The following PRDM6 variants were observed in gnomAD, a reference collection of about 807,000 sequenced individuals.
PRDM6 encodes PR/SET domain 6.
Under a neutral mutation model 60.8 loss-of-function variants are expected in PRDM6, and 25 were observed. The observed-to-expected ratio is 0.41, with a 90% confidence interval of 0.30 to 0.57. The LOEUF (loss-of-function observed/expected upper bound fraction) is 0.57, where lower values mean the gene tolerates loss of function less well. PRDM6 is among the 20% of genes least tolerant of loss of function. The probability of loss-of-function intolerance (pLI) is 0.27; values close to 1 mark genes in which losing one functional copy is unlikely to be tolerated. For missense variants in PRDM6, 839 were observed against 821.3 expected (o/e 1.02, Z -0.26); for synonymous variants, 407 against 357.4 (o/e 1.14, Z -1.57).
At chr5:123,127,733 CTTCTTTCCTTTCTTTCCT>C (rs1397832859) in intron 3 of PRDM6, among the ~76,000 whole-genome samples, 1 of 140,616 alleles carries the variant, frequency 7.1e-6, no homozygotes, top group Admixed American at 7.2e-5. Flanking sequence ...TCTTTCTTTC[CTTCTTTCCTTTCTTTCCT>C]TTCTTTCCTT....
chr5:123,186,286 C>A (rs1766287192), intron 7 of PRDM6, among the ~76,000 whole-genome samples: 1 of 152,146 alleles, frequency 6.6e-6, no homozygotes, highest in South Asian at 2.1e-4. Context: ...AGCCACCAAG[C>A]TAGTAAGTGA....
At chr5:123,156,954 G>C (rs1465278091) in intron 4 of PRDM6, among the ~76,000 whole-genome samples, 1 of 152,036 alleles carries the variant, frequency 6.6e-6, no homozygotes, top group Non-Finnish European at 1.5e-5. Flanking sequence ...GTTCTCTTTA[G>C]AATCAGAAGC....
chr5:123,173,939 T>C (rs1293007689), intron 6 of PRDM6, among the ~76,000 whole-genome samples: 1 of 152,248 alleles, frequency 6.6e-6, no homozygotes, highest in East Asian at 1.9e-4. Flanking sequence ...GGAAAAAATG[T>C]ACAGAACTGT....
At chr5:123,145,085 A>G (rs1191144058) in intron 3 of PRDM6, among the ~76,000 whole-genome samples, 1 of 152,200 alleles carries the variant, frequency 6.6e-6, no homozygotes, top group South Asian at 2.1e-4. Flanking sequence ...CATTGAGGTT[A>G]TATCCTTGCA....
Position 123,188,139 on chromosome 5 carries a change from G to A in PRDM6, c.*938G>A, listed in dbSNP as rs1016934529. The A allele has an allele frequency of 3.9e-5, 6 of 152,018 alleles. No homozygotes were observed. Among genetic ancestry groups the A allele is most frequent in the African/African-American group, 1.4e-4 (6 of 41,390 alleles). The allele number at this position is 152,018 out of a possible 1,614,324, so 9.4% of individuals were successfully genotyped here. On this transcript the variant is annotated 3_prime_UTR_variant, in exon 8 of 8. Transcript: ENST00000407847. ...AACAAAAATAGTGCCAAACCCCATC[G>A]TCAAGGCCCTTTTAGCAATTTTATC...
intron 3 of PRDM6, among the ~76,000 whole-genome samples, chr5:123,107,408 C>A (rs1764219926): frequency 6.6e-6 from 1 of 152,146 alleles, no homozygotes; most frequent in South Asian, 2.1e-4. Context: ...TGCAGGTTTT[C>A]CTATATAAGA....
At chr5:123,111,629 C>T (rs977777499) in intron 3 of PRDM6, among the ~76,000 whole-genome samples, 1 of 151,246 alleles carries the variant, frequency 6.6e-6, no homozygotes, top group East Asian at 1.9e-4. Context: ...ACCCGGGGGG[C>T]GGAGCTTGCA....
At position 123,124,234 on chromosome 5, in the gene PRDM6, A is replaced by G. The variant is rs902743020; in HGVS notation, c.900+24273A>G. 7.2e-5 allele frequency among the ~76,000 whole-genome samples: 11 copies of G among 152,198 alleles called. 1 individual carries two copies. Among genetic ancestry groups the G allele is most frequent in the Non-Finnish European group, 1.5e-4 (10 of 68,040 alleles). ...TTATGTAGCACAACAGGAAGAGCCA[A>G]TCTGGTGGTATTCTAAATATTTATT... On this transcript the variant is annotated intron_variant, in intron 3 of 7. Coordinates refer to ENST00000407847, the MANE Select transcript of PRDM6 (RefSeq NM_001136239.4).
At chr5:123,132,038 G>T (rs919250995) in intron 3 of PRDM6, among the ~76,000 whole-genome samples, 1 of 152,154 alleles carries the variant, frequency 6.6e-6, no homozygotes, top group African/African-American at 2.4e-5. Context: ...TTAGAACAGT[G>T]CCTGGCACAG....
At chr5:123,185,245 C>G (rs2126893966) in intron 7 of PRDM6, among the ~76,000 whole-genome samples, 2 of 152,198 alleles carry the variant, frequency 1.3e-5, no homozygotes, top group African/African-American at 4.8e-5. Context: ...ATGACCCAGG[C>G]ACATTTTCAT....
intron 3 of PRDM6, among the ~76,000 whole-genome samples, chr5:123,101,594 C>T (rs1041263674): frequency 6.6e-6 from 1 of 152,112 alleles, no homozygotes; most frequent in Non-Finnish European, 1.5e-5. Context: ...AGCAATTGTT[C>T]AATAGTACAA....
chr5:123,151,968 G>A (rs1181875269), intron 3 of PRDM6, among the ~76,000 whole-genome samples: 1 of 152,092 alleles, frequency 6.6e-6, no homozygotes, highest in African/African-American at 2.4e-5. Flanking sequence ...ATCTTTGAAA[G>A]CCTGTGCTGG....
intron 3 of PRDM6, among the ~76,000 whole-genome samples, chr5:123,127,654 G>T (rs1764722486): frequency 6.6e-6 from 1 of 152,166 alleles, no homozygotes; most frequent in Admixed American, 6.5e-5. Flanking sequence ...TGCTTTTAGA[G>T]AAATGCTATT....
intron 3 of PRDM6, among the ~76,000 whole-genome samples, chr5:123,105,211 G>C (rs1764177484): frequency 1.3e-5 from 2 of 152,028 alleles, no homozygotes; most frequent in Non-Finnish European, 2.9e-5. Flanking sequence ...AATATTTACT[G>C]GTCCATAACT....
intron 3 of PRDM6, among the ~76,000 whole-genome samples, chr5:123,129,077 T>C (rs1326717836): frequency 6.6e-6 from 1 of 152,188 alleles, no homozygotes; most frequent in African/African-American, 2.4e-5. Flanking sequence ...TGGTTGTAGA[T>C]GTGTAGTGTT....
intron 5 of PRDM6, among the ~76,000 whole-genome samples, chr5:123,160,472 T>G (rs938573128): frequency 1.3e-5 from 2 of 152,248 alleles, no homozygotes; most frequent in African/African-American, 4.8e-5. Context: ...TAGTTTGATG[T>G]TATGCTACAA....
At chr5:123,105,499 A>G (rs1764182553) in intron 3 of PRDM6, among the ~76,000 whole-genome samples, 1 of 152,250 alleles carries the variant, frequency 6.6e-6, no homozygotes, top group East Asian at 1.9e-4. Context: ...CAGTTGTAGT[A>G]TAATATGGAT....
At position 123,187,514 on chromosome 5, in the gene PRDM6, C is replaced by T. The variant is rs1766316001; in HGVS notation, c.*313C>T. On this transcript the variant is annotated 3_prime_UTR_variant, in exon 8 of 8. Coordinates refer to ENST00000407847, the MANE Select transcript of PRDM6 (RefSeq NM_001136239.4). ...GCTTTTTAAAAACTGTTATTTAATA[C>T]CAAAGGGAGGAATCGTATGGGTTCT... 4.1e-6 allele frequency: 1 copy of T among 243,570 alleles called. No homozygotes were observed. The highest frequency in any genetic ancestry group is 5.0e-5 in the Admixed American group (1 of 20,082). 15.1% of individuals were successfully genotyped at this position (243,570 alleles called of 1,614,324 possible).
At position 123,192,539 on chromosome 5, in the gene PRDM6, A is replaced by G. The variant is rs1203941519; in HGVS notation, c.*5338A>G. ...ATGCCCAAATCTCATTGCTGGACAG[A>G]ATTTCAACTATTCCATTGCTGTCAG... On this transcript the variant is annotated 3_prime_UTR_variant, in exon 8 of 8. Transcript: ENST00000407847. 6.6e-6 allele frequency: 1 copy of G among 152,206 alleles called. No individual in the cohort carries two copies. Among genetic ancestry groups the G allele is most frequent in the Admixed American group, 6.5e-5 (1 of 15,268 alleles). 9.4% of individuals were successfully genotyped at this position (152,206 alleles called of 1,614,324 possible).
Sources: gnomAD v4.1 joint callset for allele counts (sites outside exome capture counted in the v4.1 genomes callset) on GRCh38, gnomAD v4.1.1 for gene constraint, MANE v1.5 for transcripts, NCBI Gene and HGNC (gene_info 2026-07-23, HGNC 2026-07-21) for gene names.